The following STXBP5L variants were observed in gnomAD, a reference collection of about 807,000 sequenced individuals.
STXBP5L encodes syntaxin binding protein 5L.
STXBP5L carries 65 observed loss-of-function variants against 144.5 expected under a neutral mutation model. The ratio of observed to expected loss-of-function variants is 0.45; its 90% CI spans 0.37 to 0.55. The LOEUF is 0.55. Among genes scored for constraint, STXBP5L ranks in the 20% least tolerant of loss-of-function variants. The pLI is 0.00. For missense variants in STXBP5L, 1,298 were observed against 1,405.5 expected, an observed-to-expected ratio of 0.92 and a Z score of 1.22; for synonymous variants, 505 against 469.6, an observed-to-expected ratio of 1.08 and a Z score of -0.97.
chr3:121,261,347 A>T (rs899442444), intron 18 of STXBP5L, among the ~76,000 whole-genome samples: 8 of 152,194 alleles, frequency 5.3e-5, no homozygotes, highest in African/African-American at 1.9e-4. Flanking sequence ...ACCAAGTTTT[A>T]AAGAAATAAA....
intron 20 of STXBP5L, among the ~76,000 whole-genome samples, chr3:121,349,838 G>A (rs1318978656): frequency 1.3e-5 from 2 of 151,560 alleles, no homozygotes; most frequent in Non-Finnish European, 1.5e-5. Flanking sequence ...CGTTTATTTT[G>A]AGCCTATGTC....
intron 3 of STXBP5L, among the ~76,000 whole-genome samples, chr3:120,975,432 G>A (rs889016718): frequency 5.3e-5 from 8 of 152,190 alleles, no homozygotes; most frequent in Admixed American, 5.2e-4. Context: ...ATCAGCTTAA[G>A]GAGATTTTGG....
intron 5 of STXBP5L, among the ~76,000 whole-genome samples, chr3:121,051,201 C>G (rs1189815673): frequency 6.6e-6 from 1 of 151,928 alleles, no homozygotes; most frequent in Non-Finnish European, 1.5e-5. Context: ...ACAAGGATAC[C>G]CAGGAATTGT....
chr3:121,063,394 A>G (rs1203911300), intron 5 of STXBP5L, among the ~76,000 whole-genome samples: 2 of 152,150 alleles, frequency 1.3e-5, no homozygotes, highest in Non-Finnish European at 2.9e-5. Flanking sequence ...GGCACCCGCC[A>G]TATGTCAGCT....
chr3:121,264,437 A>T (rs758034026), intron 18 of STXBP5L, among the ~76,000 whole-genome samples: 11 of 152,172 alleles, frequency 7.2e-5, no homozygotes, highest in Admixed American at 1.3e-4. Flanking sequence ...GGAAAAAAGA[A>T]AGGGGAAATA....
chr3:121,235,971 T>C (rs1215230858), intron 12 of STXBP5L, among the ~76,000 whole-genome samples: 1 of 152,104 alleles, frequency 6.6e-6, no homozygotes, highest in Non-Finnish European at 1.5e-5. Flanking sequence ...AAAAACACAG[T>C]GTGTCAGAAG....
At chr3:120,964,499 A>G (rs149100954) in intron 3 of STXBP5L, among the ~76,000 whole-genome samples, 17,004 of 152,222 alleles carry the variant, frequency 0.11, 1,042 homozygotes, top group Non-Finnish European at 0.14. Context: ...TTCAAAGAAC[A>G]TCTTTATTTC....
intron 11 of STXBP5L, among the ~76,000 whole-genome samples, chr3:121,230,225 ATAT>A (rs1399578513): frequency 6.6e-6 from 1 of 152,216 alleles, no homozygotes; most frequent in Non-Finnish European, 1.5e-5. Flanking sequence ...TATCAGGCAA[ATAT>A]TATAAAAGTA....
At chr3:121,121,771 T>G in intron 7 of STXBP5L, 67 bp downstream of exon 7, 1 of 1,159,848 alleles carries the variant, frequency 8.6e-7, no homozygotes, top group Non-Finnish European at 1.3e-6. Context: ...TGTTTCTTAC[T>G]ATTATTTTAT....
intron 9 of STXBP5L, among the ~76,000 whole-genome samples, chr3:121,165,725 A>C (rs935565210): frequency 1.3e-5 from 2 of 152,066 alleles, no homozygotes; most frequent in African/African-American, 2.4e-5. Context: ...ATTGGACCCC[A>C]GGTTACCACT....
At chr3:120,931,241 G>A (rs79866578) in intron 2 of STXBP5L, among the ~76,000 whole-genome samples, 2,411 of 152,162 alleles carry the variant, frequency 0.016, 21 homozygotes, top group Non-Finnish European at 0.023. Flanking sequence ...TCTATCATTT[G>A]TTATCCTAAG....
At chr3:120,957,600 A>G (rs1938187463) in intron 3 of STXBP5L, among the ~76,000 whole-genome samples, 1 of 152,004 alleles carries the variant, frequency 6.6e-6, no homozygotes, top group Non-Finnish European at 1.5e-5. Flanking sequence ...TTTTTTCTTA[A>G]GAGTTTGAGT....
intron 3 of STXBP5L, among the ~76,000 whole-genome samples, chr3:120,988,009 A>G (rs1014416579): frequency 7.3e-5 from 11 of 151,114 alleles, no homozygotes; most frequent in Admixed American, 6.6e-4. Context: ...TGTTGCCTTC[A>G]TCTTGGTTTA....
At chr3:121,156,737 A>G (rs376226096) in intron 8 of STXBP5L, among the ~76,000 whole-genome samples, 23 of 151,896 alleles carry the variant, frequency 1.5e-4, no homozygotes, top group African/African-American at 4.6e-4. Flanking sequence ...TTTTAAAACA[A>G]TATAATAATT....
At chr3:121,282,278 T>C in intron 19 of STXBP5L, 12 of 1,612,214 alleles carry the variant, frequency 7.4e-6, no homozygotes, top group South Asian at 1.1e-5. Flanking sequence ...AACTTTTGCA[T>C]GCGTGGCCTG....
intron 19 of STXBP5L, among the ~76,000 whole-genome samples, chr3:121,299,278 T>C (rs2051790680): frequency 6.6e-6 from 1 of 152,176 alleles, no homozygotes; most frequent in South Asian, 2.1e-4. Context: ...ATTAAGCTGG[T>C]GATGTTTTTC....
At chr3:121,307,206 C>A (rs1422844218) in intron 19 of STXBP5L, among the ~76,000 whole-genome samples, 1 of 151,906 alleles carries the variant, frequency 6.6e-6, no homozygotes, top group Non-Finnish European at 1.5e-5. Context: ...TCGTCAGTAC[C>A]CAGAAGTGAT....
intron 19 of STXBP5L, among the ~76,000 whole-genome samples, chr3:121,316,488 TC>T (rs1401850746): frequency 9.9e-5 from 15 of 152,226 alleles, no homozygotes; most frequent in African/African-American, 3.6e-4. Flanking sequence ...CCAAATCCCA[TC>T]CTTCCTCCTA....
At chr3:121,230,945 A>G (rs1039682633) in intron 11 of STXBP5L, among the ~76,000 whole-genome samples, 7 of 152,202 alleles carry the variant, frequency 4.6e-5, no homozygotes, top group African/African-American at 7.2e-5. Context: ...AGAATCAATT[A>G]GAAAGCCAAT....
Sources: gnomAD v4.1 joint callset for allele counts (sites outside exome capture counted in the v4.1 genomes callset) on GRCh38, gnomAD v4.1.1 for gene constraint, MANE v1.5 for transcripts, NCBI Gene and HGNC (gene_info 2026-07-23, HGNC 2026-07-21) for gene names.